Variants in FAM89A observed in about 807,000 individuals in gnomAD.
FAM89A encodes protein FAM89A.
FAM89A carries 10 observed loss-of-function variants against 7.1 expected under a neutral mutation model. The observed-to-expected ratio is 1.40, with a 90% CI of 0.86 to 2.38. FAM89A has a LOEUF of 2.38. FAM89A is among the 30% of genes most tolerant of loss of function. The pLI, the probability that FAM89A is intolerant of heterozygous loss-of-function variation, is 0.00. For synonymous variants in FAM89A, 157 were observed against 129.3 expected, an observed-to-expected ratio of 1.21 and a Z score of -1.45; for missense variants, 276 against 262.8, an observed-to-expected ratio of 1.05 and a Z score of -0.35.
intron 1 of FAM89A, chr1:231,026,454 T>C (rs1228555567): frequency 6.6e-6 from 1 of 152,208 alleles, no homozygotes; most frequent in Non-Finnish European, 1.5e-5. Context: ...AATACGATTA[T>C]TTTATACAAA....
In FAM89A at chr1:231,040,212, C is replaced by T. The variant is rs1327648821; in HGVS notation, c.-1G>A. On this transcript the variant is annotated 5_prime_UTR_variant, in exon 1 of 2. Coordinates refer to ENST00000366654, the MANE Select transcript of FAM89A (RefSeq NM_198552.3). ...CGGGCGCCGCCCGGGCCCCACTCAT[C>T]GCGCCGCGGCCCGGCCACGCGCCTG... is the stretch of plus-strand genomic sequence containing the variant. The T allele has an allele frequency of 1.8e-5, 19 of 1,062,532 alleles. No individual in the cohort carries two copies. The highest frequency in any genetic ancestry group is 2.0e-5 in the Non-Finnish European group (18 of 882,540). The allele number at this position is 1,062,532 out of a possible 1,614,324, so 65.8% of individuals were successfully genotyped here. A position where few individuals can be genotyped will look rare whatever the true frequency, so the allele number is the denominator to read the frequency against.
chr1:231,019,850 C>T lies in FAM89A; in HGVS notation c.*13G>A. 1.2e-6 allele frequency: 2 copies of T among 1,610,778 alleles called. No individual in the cohort carries two copies. The highest frequency in any genetic ancestry group is 1.7e-6 in the Non-Finnish European group (2 of 1,177,866). Reference sequence around the variant, plus strand: ...GAAGGGCTTCCCAACAGTCACATCCCTCCCAAGACCCTCTAGATGGACTCC... The same window carrying T: ...GAAGGGCTTCCCAACAGTCACATCCTTCCCAAGACCCTCTAGATGGACTCC... On this transcript the variant is annotated 3_prime_UTR_variant, in exon 2 of 2. Transcript: ENST00000366654.
chr1:231,039,803 G>A lies in FAM89A; in HGVS notation c.291+118C>T, dbSNP rs76579695. On this transcript the variant is annotated intron_variant, in intron 1 of 1. Coordinates refer to ENST00000366654, the MANE Select transcript of FAM89A (RefSeq NM_198552.3). ...GAGGACGGCGCCGGCGCCTGGGGCG[G>A]AGGAGCCCGAAAGGGCGGGTGGGCG... is the stretch of plus-strand genomic sequence containing the variant. The A allele has an allele frequency of 8.9e-4, 924 of 1,043,152 alleles. 8 individuals are homozygous for A. The East Asian group carries it at 0.025, about 28-fold the overall frequency. The allele number at this position is 1,043,152 out of a possible 1,614,324, so 64.6% of individuals were successfully genotyped here.
Position 231,037,015 on chromosome 1 carries a change from T to C in FAM89A, c.291+2906A>G, listed in dbSNP as rs1359312330. Reference sequence around the variant, plus strand: ...ATCTTGACTGGGAAAATAATTGCAATGTGCAGCCCAAAAAGCAAACCAAAA... The same window carrying C: ...ATCTTGACTGGGAAAATAATTGCAACGTGCAGCCCAAAAAGCAAACCAAAA... On this transcript the variant is annotated intron_variant, in intron 1 of 1. Transcript: ENST00000366654. Among the ~76,000 whole-genome samples, 3 of 152,202 alleles carry C rather than the reference T, an allele frequency of 2.0e-5. No homozygotes were observed. In the East Asian group the frequency reaches 5.8e-4, roughly 29 times the overall value.
At chr1:231,032,324 C>T (rs931256182) in intron 1 of FAM89A, among the ~76,000 whole-genome samples, 3 of 51,788 alleles carry the variant, frequency 5.8e-5, no homozygotes, top group African/African-American at 2.5e-4. Context: ...GAGGTATTAC[C>T]AAACTGCGCT....
rs539180892 is a variant in FAM89A at position 231,024,265 on chromosome 1, T to G, written c.292-4139A>C. Among the ~76,000 whole-genome samples the G allele has an allele frequency of 2.1e-4, 32 of 151,140 alleles. No individual in the cohort carries two copies. The South Asian group carries it at 2.5e-3, about 12-fold the overall frequency. On this transcript the variant is annotated intron_variant, in intron 1 of 1. Transcript: ENST00000366654. ...AAAGCACACAGAAAGTGTCAGAGGA[T>G]TTACAGATTTTATAATTACCGAAAT...
At chr1:231,021,844 G>A in intron 1 of FAM89A, 3 of 1,597,640 alleles carry the variant, frequency 1.9e-6, no homozygotes, top group Non-Finnish European at 2.6e-6. Flanking sequence ...GACCAAGGAG[G>A]AATGCTAGGA....
At chr1:231,029,419 G>A (rs929181355) in intron 1 of FAM89A, among the ~76,000 whole-genome samples, 1 of 152,062 alleles carries the variant, frequency 6.6e-6, no homozygotes, top group African/African-American at 2.4e-5. Flanking sequence ...TTGAGCCCAG[G>A]AGGTTGAGGC....
chr1:231,020,537 AG>A (rs1679858113), intron 1 of FAM89A, among the ~76,000 whole-genome samples: 1 of 152,208 alleles, frequency 6.6e-6, no homozygotes, highest in Non-Finnish European at 1.5e-5. Context: ...CTACTGCGTT[AG>A]GATCTGACTG....
At chr1:231,022,423 G>C (rs1679894651) in intron 1 of FAM89A, among the ~76,000 whole-genome samples, 1 of 152,208 alleles carries the variant, frequency 6.6e-6, no homozygotes, top group South Asian at 2.1e-4. Flanking sequence ...GAGAGAAAGG[G>C]AGTCAGGCAC....
chr1:231,024,756 G>T (rs947813316), intron 1 of FAM89A, among the ~76,000 whole-genome samples: 1 of 151,778 alleles, frequency 6.6e-6, no homozygotes, highest in African/African-American at 2.4e-5. Flanking sequence ...TGCCCAGGCT[G>T]GTCTCAAACT....
chr1:231,024,189 C>A, intron 1 of FAM89A, among the ~76,000 whole-genome samples: 1 of 129,046 alleles, frequency 7.7e-6, no homozygotes. Flanking sequence ...GAAATAAAAC[C>A]ATTAATTTGA....
At position 231,040,239 on chromosome 1, in the gene FAM89A, C is replaced by A; in HGVS notation, c.-28G>T. On this transcript the variant is annotated 5_prime_UTR_variant, in exon 1 of 2. Transcript: ENST00000366654. ...CGCCGCGGCCCGGCCACGCGCCTGC[C>A]CCGCTGCAGCGAACCAAGGCTTTCC... 1.9e-6 allele frequency: 2 copies of A among 1,031,678 alleles called. No individual in the cohort carries two copies. The highest frequency in any genetic ancestry group is 2.3e-6 in the Non-Finnish European group (2 of 862,104). The allele number at this position is 1,031,678 out of a possible 1,614,324, so 63.9% of individuals were successfully genotyped here.
At chr1:231,028,515 G>A (rs574466403) in intron 1 of FAM89A, 101 of 152,304 alleles carry the variant, frequency 6.6e-4, no homozygotes, top group African/African-American at 2.3e-3. Flanking sequence ...CCGAGCAGAA[G>A]CAGCCTGGAT....
intron 1 of FAM89A, among the ~76,000 whole-genome samples, chr1:231,035,165 A>T (rs946709187): frequency 3.3e-5 from 5 of 152,226 alleles, no homozygotes; most frequent in Non-Finnish European, 7.3e-5. Flanking sequence ...CCAGCTAATG[A>T]GCTGGAATCC....
At chr1:231,037,623 T>TA (rs1680179246) in intron 1 of FAM89A, among the ~76,000 whole-genome samples, 4 of 152,170 alleles carry the variant, frequency 2.6e-5, no homozygotes, top group Admixed American at 2.6e-4. Flanking sequence ...CCAACTGGGA[T>TA]AATACCATTC....
chr1:231,020,647 G>GT (rs546548829), intron 1 of FAM89A, among the ~76,000 whole-genome samples: 39 of 152,200 alleles, frequency 2.6e-4, no homozygotes, highest in Non-Finnish European at 4.3e-4. Flanking sequence ...CCTCTGTGCA[G>GT]TTCAGTGGTC....
At chr1:231,026,863 ACT>A (rs1679984881) in intron 1 of FAM89A, 1 of 151,246 alleles carries the variant, frequency 6.6e-6, no homozygotes, top group African/African-American at 2.4e-5. Context: ...AGAAAGCCAC[ACT>A]CTCTCGGGGT....
intron 1 of FAM89A, among the ~76,000 whole-genome samples, chr1:231,023,454 G>A (rs1236684849): frequency 1.3e-5 from 2 of 152,154 alleles, no homozygotes; most frequent in African/African-American, 2.4e-5. Flanking sequence ...CTCCTCTTCC[G>A]CTGCCCTCCT....
Sources: allele counts gnomAD v4.1 joint callset (sites outside exome capture counted in the v4.1 genomes callset), GRCh38; gene constraint gnomAD v4.1.1; transcripts MANE v1.5; gene names NCBI Gene and HGNC (gene_info 2026-07-23, HGNC 2026-07-21).